CA10: variants seen among roughly 807,000 people sequenced by gnomAD.
CA10 encodes carbonic anhydrase-related protein 10.
Under a neutral mutation model 44.2 loss-of-function variants are expected in CA10, and 14 were observed. The ratio of observed to expected loss-of-function variants is 0.32; its 90% confidence interval spans 0.21 to 0.50. The LOEUF (loss-of-function observed/expected upper bound fraction) is 0.50, where lower values mean the gene tolerates loss of function less well. CA10 is among the 20% of genes least tolerant of loss of function. CA10 has a pLI of 0.99. For missense variants in CA10, 350 were observed against 409.7 expected, an observed-to-expected ratio of 0.85 and a Z score of 1.26; for synonymous variants, 159 against 141.6, an observed-to-expected ratio of 1.12 and a Z score of -0.87.
intron 2 of CA10, among the ~76,000 whole-genome samples, chr17:52,031,901 G>A (rs1478943005): frequency 1.3e-5 from 2 of 152,048 alleles, no homozygotes; most frequent in African/African-American, 4.8e-5. Context: ...TAGTTACCGT[G>A]ACCACATATT....
chr17:51,974,210 T>C (rs565271474), intron 2 of CA10, among the ~76,000 whole-genome samples: 27 of 151,282 alleles, frequency 1.8e-4, no homozygotes, highest in African/African-American at 6.5e-4. Context: ...ATGGTGAAAC[T>C]CCGTCTCTAC....
At position 51,664,219 on chromosome 17, in the gene CA10, G is replaced by A. The variant is rs72830556; in HGVS notation, c.466-10483C>T. On this transcript the variant is annotated intron_variant, in intron 4 of 8. Coordinates refer to ENST00000451037, the MANE Select transcript of CA10 (RefSeq NM_020178.5). ...GGTCATCTCCTACGCAAAAAAAAGC[G>A]TTGGTCTAGATGGGTTTATAAGTAT... 2.4e-3 allele frequency among the ~76,000 whole-genome samples: 363 copies of A among 152,314 alleles called. 2 individuals are homozygous for A. Among genetic ancestry groups the A allele is most frequent in the Non-Finnish European group, 3.7e-3 (253 of 68,020 alleles).
intron 3 of CA10, among the ~76,000 whole-genome samples, chr17:51,805,585 C>T (rs1013604137): frequency 2.0e-5 from 3 of 152,144 alleles, no homozygotes; most frequent in African/African-American, 7.2e-5. Context: ...TTAAAAACTC[C>T]CCAAGAACAT....
rs373480157 is a variant in CA10 at position 51,703,789 on chromosome 17, A to G, written c.465+43844T>C. ...GACCTAATTAAAGTTTTTAAAATTC[A>G]ATTTGGAAAGTTAGCAAGCTAGGCT... is the stretch of plus-strand genomic sequence containing the variant. On this transcript the variant is annotated intron_variant, in intron 4 of 8. Transcript: ENST00000451037. Among the ~76,000 whole-genome samples, 108 of 152,354 alleles carry G rather than the reference A, an allele frequency of 7.1e-4. 1 individual carries two copies. The Middle Eastern group carries it at 0.02, about 29-fold the overall frequency.
At chr17:51,970,340 GA>G (rs1239129498) in intron 2 of CA10, among the ~76,000 whole-genome samples, 7 of 149,000 alleles carry the variant, frequency 4.7e-5, no homozygotes, top group South Asian at 2.1e-4. Context: ...CTTCAGGAAA[GA>G]AAAAAAAAGT....
intron 3 of CA10, among the ~76,000 whole-genome samples, chr17:51,909,835 C>T (rs1981716284): frequency 6.6e-6 from 1 of 152,146 alleles, no homozygotes; most frequent in East Asian, 1.9e-4. Flanking sequence ...TCGAGAAAGA[C>T]TCCTTTCTTC....
intron 4 of CA10, among the ~76,000 whole-genome samples, chr17:51,683,877 C>T (rs1914924446): frequency 6.6e-6 from 1 of 152,162 alleles, no homozygotes; most frequent in African/African-American, 2.4e-5. Flanking sequence ...TGGGGGTTGC[C>T]TAGATCACTC....
rs139545315 is a variant in CA10, at chr17:51,770,852, G to A, written c.280-23034C>T. ...TACAAAGACCAGATCTCAGCCGGGC[G>A]CAGTGGCTCACGCCTGTATTCACAG... On this transcript the variant is annotated intron_variant, in intron 3 of 8. Coordinates refer to ENST00000451037, the MANE Select transcript of CA10 (RefSeq NM_020178.5). 1.1e-4 allele frequency among the ~76,000 whole-genome samples: 17 copies of A among 152,060 alleles called. No individual in the cohort carries two copies. The East Asian group carries it at 2.3e-3, about 21-fold the overall frequency.
At chr17:51,834,714 C>T (rs1908410856) in intron 3 of CA10, among the ~76,000 whole-genome samples, 1 of 152,212 alleles carries the variant, frequency 6.6e-6, no homozygotes, top group Non-Finnish European at 1.5e-5. Context: ...TCTCCACTTA[C>T]TGTGAGTCCT....
chr17:51,726,878 G>C (rs1163518896), intron 4 of CA10, among the ~76,000 whole-genome samples: 2 of 152,208 alleles, frequency 1.3e-5, no homozygotes, highest in Non-Finnish European at 2.9e-5. Flanking sequence ...AAGGGGAAAT[G>C]AACTTTAATG....
chr17:51,955,457 G>A (rs1305893563), intron 2 of CA10, among the ~76,000 whole-genome samples: 2 of 152,130 alleles, frequency 1.3e-5, no homozygotes, highest in Non-Finnish European at 1.5e-5. Flanking sequence ...GGTAACTCAT[G>A]CTTTGGCCAC....
At chr17:52,159,776 T>G (rs1199146601), upstream of CA10, 1 of 152,236 alleles carries the variant, frequency 6.6e-6, no homozygotes, top group Non-Finnish European at 1.5e-5. Context: ...TGCACCCGGT[T>G]GCAGTGTGGA....
At chr17:51,798,812 G>T (rs1391770812) in intron 3 of CA10, among the ~76,000 whole-genome samples, 1 of 152,224 alleles carries the variant, frequency 6.6e-6, no homozygotes, top group African/African-American at 2.4e-5. Flanking sequence ...ATATAAAGCA[G>T]TAAGTTTTAA....
chr17:51,748,923 C>G (rs1422934951), intron 3 of CA10, among the ~76,000 whole-genome samples: 1 of 152,196 alleles, frequency 6.6e-6, no homozygotes, highest in African/African-American at 2.4e-5. Context: ...ATAATGCTCA[C>G]CAAATATTCC....
In CA10 at chr17:52,072,406, C is replaced by G. The variant is rs1450963184; in HGVS notation, c.62-13G>C. On this transcript the variant is annotated splice_polypyrimidine_tract_variant and intron_variant, in intron 1 of 8. Transcript: ENST00000451037. ...GAATTCTGTTGAGCTAAAGGAAAAGCAAAGAAGAGAGATTAAGATGATAGC... is the reference window on the plus strand; with the variant it reads ...GAATTCTGTTGAGCTAAAGGAAAAGGAAAGAAGAGAGATTAAGATGATAGC... 3 of 1,600,398 alleles carry G rather than the reference C, an allele frequency of 1.9e-6. No individual in the cohort carries two copies. The highest frequency in any genetic ancestry group is 2.6e-6 in the Non-Finnish European group (3 of 1,167,976).
intron 1 of CA10, among the ~76,000 whole-genome samples, chr17:52,098,580 A>C (rs878933143): frequency 1.3e-5 from 2 of 152,192 alleles, no homozygotes; most frequent in Admixed American, 1.3e-4. Flanking sequence ...AAGTCCTCTA[A>C]GTCTTTTTAG....
intron 3 of CA10, among the ~76,000 whole-genome samples, chr17:51,749,824 G>A (rs926087581): frequency 6.6e-6 from 1 of 152,172 alleles, no homozygotes; most frequent in Non-Finnish European, 1.5e-5. Flanking sequence ...GGGGAACGGG[G>A]GAGGGAATGG....
chr17:52,085,302 A>G (rs1404345753), intron 1 of CA10, among the ~76,000 whole-genome samples: 2 of 152,156 alleles, frequency 1.3e-5, no homozygotes, highest in Non-Finnish European at 2.9e-5. Flanking sequence ...CTGGACTCCT[A>G]TGTCCATCCA....
chr17:52,041,491 A>G (rs1281336435), intron 2 of CA10, among the ~76,000 whole-genome samples: 1 of 152,132 alleles, frequency 6.6e-6, no homozygotes, highest in East Asian at 1.9e-4. Context: ...GGCACACAAC[A>G]TGATGATTTG....
Sources: allele counts gnomAD v4.1 joint callset (sites outside exome capture counted in the v4.1 genomes callset), GRCh38; gene constraint gnomAD v4.1.1; transcripts MANE v1.5; gene names NCBI Gene and HGNC (gene_info 2026-07-23, HGNC 2026-07-21).